LAMA4: variants seen among roughly 807,000 people sequenced by gnomAD.
The protein encoded by LAMA4 is laminin subunit alpha-4.
A neutral mutation model predicts 207.1 loss-of-function variants in LAMA4; 127 were observed. The observed-to-expected ratio is 0.61, with a 90% CI of 0.53 to 0.71. LAMA4 has a LOEUF of 0.71. LAMA4 is among the 30% of genes least tolerant of loss of function. LAMA4 has a pLI of 0.00. For synonymous variants in LAMA4, 761 were observed against 816.0 expected (o/e 0.93, Z 1.15); for missense variants, 2,093 against 2,246.5 (o/e 0.93, Z 1.38).
At chr6:112,110,090 AAG>A in intron 38 of LAMA4, among the ~76,000 whole-genome samples, 1 of 152,350 alleles carries the variant, frequency 6.6e-6, no homozygotes. Flanking sequence ...CGAATAAACT[AAG>A]ATTCAATTTT....
At chr6:112,170,000 T>TCCC (rs1554341281) in intron 12 of LAMA4, among the ~76,000 whole-genome samples, 1 of 152,216 alleles carries the variant, frequency 6.6e-6, no homozygotes, top group African/African-American at 2.4e-5. Flanking sequence ...GACTGTGTGC[T>TCCC]CCCCTTCCTG....
In LAMA4 at chr6:112,155,436, C is replaced by T; in HGVS notation, c.1959+129G>A. On this transcript the variant is annotated intron_variant, in intron 15 of 38. Coordinates refer to ENST00000230538, the MANE Select transcript of LAMA4 (RefSeq NM_001105206.3). ...CAAGGCATTCATGAAATGGTCTTCC[C>T]TTAGTTCCCCTGCCTTTTCCACTCT... The T allele has an allele frequency of 1.4e-5, 14 of 1,017,858 alleles. No homozygotes were observed. In the South Asian group the frequency reaches 1.8e-4, roughly 13 times the overall value. The allele number at this position is 1,017,858 out of a possible 1,614,324, so 63.1% of individuals were successfully genotyped here.
intron 12 of LAMA4, 187 bp downstream of exon 12, chr6:112,172,424 C>T (rs540196602): frequency 1.6e-6 from 1 of 610,242 alleles, no homozygotes; most frequent in East Asian, 2.9e-5. Flanking sequence ...GACAATTATC[C>T]TAGTTTCAAC....
chr6:112,129,216 T>C, intron 30 of LAMA4, 141 bp from the exon 31 acceptor site: 3 of 687,466 alleles, frequency 4.4e-6, no homozygotes, highest in Admixed American at 2.6e-5. Flanking sequence ...GTGTGATGGG[T>C]CCTTACCCAT....
At chr6:112,200,160 G>A (rs781865846) in intron 5 of LAMA4, 6 of 533,106 alleles carry the variant, frequency 1.1e-5, no homozygotes, top group Admixed American at 9.7e-5. Context: ...AGCCTCTCGT[G>A]CTCTGTGGAG....
chr6:112,179,912 T>G (rs931168427), intron 9 of LAMA4: 2 of 532,936 alleles, frequency 3.8e-6, no homozygotes, highest in Non-Finnish European at 7.7e-6. Flanking sequence ...TTATACTCCT[T>G]CCTGCAATTC....
At chr6:112,138,867 C>G (rs1449453544) in intron 24 of LAMA4, among the ~76,000 whole-genome samples, 1 of 152,150 alleles carries the variant, frequency 6.6e-6, no homozygotes, top group African/African-American at 2.4e-5. Flanking sequence ...TCATCTAGAT[C>G]TTGGTTCTAA....
chr6:112,155,562 C>CA lies in LAMA4; in HGVS notation c.1959+2dup. The CA allele has an allele frequency of 6.2e-7, 1 of 1,614,114 alleles. No individual in the cohort carries two copies. The highest frequency in any genetic ancestry group is 8.5e-7 in the Non-Finnish European group (1 of 1,179,980). ...GTATAAAGAACTTTCAGGGAATACT[C>CA]ACATCATAAATTCGGTCAGTGGTGT... On this transcript the variant is annotated splice_region_variant and intron_variant, in intron 15 of 38. Transcript: ENST00000230538.
chr6:112,224,981 G>A (rs1554361944), intron 2 of LAMA4, among the ~76,000 whole-genome samples: 1 of 150,944 alleles, frequency 6.6e-6, no homozygotes, highest in East Asian at 1.9e-4. Flanking sequence ...AGGGGACGGG[G>A]AAGGGGCAGA....
intron 9 of LAMA4, among the ~76,000 whole-genome samples, chr6:112,180,445 G>A (rs769280710): frequency 6.6e-6 from 1 of 152,146 alleles, no homozygotes; most frequent in Non-Finnish European, 1.5e-5. Context: ...TATTTTTCCT[G>A]TAACTTTGCC....
At chr6:112,147,406 CCTTT>C (rs1221578873) in intron 18 of LAMA4, among the ~76,000 whole-genome samples, 2 of 152,034 alleles carry the variant, frequency 1.3e-5, no homozygotes, top group African/African-American at 2.4e-5. Flanking sequence ...GGATTTATGA[CCTTT>C]CTTAATTCAG....
intron 29 of LAMA4, 67 bp from the exon 30 acceptor site, chr6:112,130,107 G>T (rs1583663977): frequency 7.5e-7 from 1 of 1,341,182 alleles, no homozygotes. Flanking sequence ...ACTCTAGGTT[G>T]GATAAGCAGG....
chr6:112,156,624 T>C (rs1378700100), intron 14 of LAMA4, among the ~76,000 whole-genome samples: 3 of 152,330 alleles, frequency 2.0e-5, no homozygotes, highest in Non-Finnish European at 2.9e-5. Flanking sequence ...TATTTTTTTT[T>C]CTCAGTCCCA....
chr6:112,226,951 T>C (rs1554362730), intron 2 of LAMA4, among the ~76,000 whole-genome samples: 1 of 151,932 alleles, frequency 6.6e-6, no homozygotes, highest in Non-Finnish European at 1.5e-5. Flanking sequence ...AAGAAAAGTA[T>C]GAAGAAAGAA....
At chr6:112,201,386 G>T (rs1349712080) in intron 5 of LAMA4, among the ~76,000 whole-genome samples, 2 of 152,222 alleles carry the variant, frequency 1.3e-5, no homozygotes, top group Non-Finnish European at 2.9e-5. Context: ...ATCCTGAGAT[G>T]TGGCCTTGGC....
chr6:112,112,185 A>AAAAGTCTGAGCTG (rs1307721038), intron 38 of LAMA4, among the ~76,000 whole-genome samples: 11 of 152,182 alleles, frequency 7.2e-5, no homozygotes, highest in African/African-American at 2.4e-4. Flanking sequence ...TGTTGTAAGT[A>AAAAGTCTGAGCTG]AAAGTCTGAG....
At chr6:112,146,215 G>T (rs561571814) in intron 18 of LAMA4, among the ~76,000 whole-genome samples, 2 of 151,924 alleles carry the variant, frequency 1.3e-5, no homozygotes, top group Admixed American at 6.6e-5. Context: ...GCTTGAACCC[G>T]AGAGGCAGAG....
intron 28 of LAMA4, among the ~76,000 whole-genome samples, chr6:112,132,404 G>T (rs571465064): frequency 6.6e-6 from 1 of 152,108 alleles, no homozygotes; most frequent in Non-Finnish European, 1.5e-5. Context: ...CAAAGTCACA[G>T]GTACTGGTAA....
chr6:112,136,575 C>T (rs1364772910), intron 24 of LAMA4, among the ~76,000 whole-genome samples: 1 of 151,896 alleles, frequency 6.6e-6, no homozygotes, highest in African/African-American at 2.4e-5. Flanking sequence ...ACCTGTAATC[C>T]CAGCTACTCA....
Sources: gnomAD v4.1 joint callset for allele counts (sites outside exome capture counted in the v4.1 genomes callset) on GRCh38, gnomAD v4.1.1 for gene constraint, MANE v1.5 for transcripts, NCBI Gene and HGNC (gene_info 2026-07-23, HGNC 2026-07-21) for gene names.